LEF1: variants seen among roughly 807,000 people sequenced by gnomAD.
The protein encoded by LEF1 is lymphoid enhancer-binding factor 1.
LEF1 carries 14 observed loss-of-function variants against 51.2 expected under a neutral mutation model. That is an observed-to-expected ratio of 0.27 (90% CI 0.18 to 0.43). The LOEUF is 0.43. Ranked by LOEUF, LEF1 falls within the 20% of genes least tolerant of loss-of-function variation. The pLI is 1.00. For missense variants in LEF1, 386 were observed against 512.0 expected, an observed-to-expected ratio of 0.75 and a Z score of 2.37; for synonymous variants, 185 against 183.2, an observed-to-expected ratio of 1.01 and a Z score of -0.08.
intron 11 of LEF1, among the ~76,000 whole-genome samples, chr4:108,053,266 A>C (rs1737120371): frequency 6.6e-6 from 1 of 152,216 alleles, no homozygotes; most frequent in Non-Finnish European, 1.5e-5. Context: ...ATAACCTACA[A>C]AAGCCAGCTT....
intron 3 of LEF1, among the ~76,000 whole-genome samples, chr4:108,150,036 T>A (rs1459962610): frequency 6.6e-6 from 1 of 152,116 alleles, no homozygotes; most frequent in African/African-American, 2.4e-5. Flanking sequence ...AAAAGTTTCT[T>A]CACTTTTTAA....
chr4:108,053,434 T>A (rs1277927068), intron 11 of LEF1, among the ~76,000 whole-genome samples: 14 of 152,164 alleles, frequency 9.2e-5, no homozygotes, highest in Non-Finnish European at 2.9e-5. Flanking sequence ...CACAAAGCTC[T>A]AAAGCAAAAA....
chr4:108,167,828 A>G lies in LEF1; in HGVS notation c.-61T>C. 6.9e-7 allele frequency: 1 copy of G among 1,458,888 alleles called. No homozygotes were observed. Among genetic ancestry groups the G allele is most frequent in the Non-Finnish European group, 9.5e-7 (1 of 1,056,610 alleles). The allele number at this position is 1,458,888 out of a possible 1,614,324, so 90.4% of individuals were successfully genotyped here. A position where few individuals can be genotyped will look rare whatever the true frequency, so the allele number is the denominator to read the frequency against. On this transcript the variant is annotated 5_prime_UTR_variant, in exon 1 of 12. Transcript: ENST00000265165. This position sits in a 1 kb window ranked among gnomAD's most constrained non-coding sequence, Gnocchi z 5.7. ...GCACCCGCGCAACAGCAGGAAAGACAGAGGGGTAACTCAAGGGTGGGGGAG... is the reference window on the plus strand; with the variant it reads ...GCACCCGCGCAACAGCAGGAAAGACGGAGGGGTAACTCAAGGGTGGGGGAG...
intron 4 of LEF1, among the ~76,000 whole-genome samples, chr4:108,086,885 C>G (rs967322681): frequency 2.7e-5 from 4 of 146,538 alleles, no homozygotes; most frequent in Admixed American, 2.7e-4. Flanking sequence ...GGAAATTAAC[C>G]TGGAGTTGTT....
intron 11 of LEF1, 122 bp downstream of exon 11, chr4:108,063,501 G>T: frequency 1.3e-6 from 1 of 749,156 alleles, no homozygotes; most frequent in Non-Finnish European, 2.3e-6. Context: ...ATTTGATTTT[G>T]CTGAGTTCTC....
intron 3 of LEF1, among the ~76,000 whole-genome samples, chr4:108,125,142 GT>G (rs1742443171): frequency 1.3e-5 from 2 of 151,996 alleles, no homozygotes; most frequent in South Asian, 4.2e-4. Context: ...TGTCATCTGT[GT>G]ACCTTTATTT....
intron 3 of LEF1, among the ~76,000 whole-genome samples, chr4:108,112,439 C>A (rs1015918902): frequency 6.6e-6 from 1 of 152,222 alleles, no homozygotes; most frequent in African/African-American, 2.4e-5. Flanking sequence ...CAGTCCCACC[C>A]ACCCATGGGC....
At chr4:108,126,893 G>A (rs1047777364) in intron 3 of LEF1, among the ~76,000 whole-genome samples, 15 of 146,150 alleles carry the variant, frequency 1.0e-4, no homozygotes, top group Admixed American at 6.9e-5. Flanking sequence ...GTGTGTGTGT[G>A]TAGCTCTATT....
rs779122495 is a variant in LEF1 at position 108,058,958 on chromosome 4, A to G, written c.*6+4665T>C. Among the ~76,000 whole-genome samples, 14 of 152,126 alleles carry G rather than the reference A, an allele frequency of 9.2e-5. 1 individual carries two copies. The highest frequency in any genetic ancestry group is 3.9e-4 in the East Asian group (2 of 5,192). On this transcript the variant is annotated intron_variant, in intron 11 of 11. Coordinates refer to ENST00000265165, the MANE Select transcript of LEF1 (RefSeq NM_016269.5). ...GCCCTGGGCTCCCAGCATTCCCACA[A>G]ATGACTAGTCCGAAAAGCTAAACAG...
intron 5 of LEF1, among the ~76,000 whole-genome samples, chr4:108,082,415 A>G (rs1739367176): frequency 6.6e-6 from 1 of 152,184 alleles, no homozygotes; most frequent in African/African-American, 2.4e-5. Context: ...ATGTAATGCT[A>G]GGGAGAGAGA....
chr4:108,064,668 C>A (rs1000496028), intron 9 of LEF1, among the ~76,000 whole-genome samples: 1 of 60,630 alleles, frequency 1.6e-5, no homozygotes, highest in Non-Finnish European at 5.1e-5. Context: ...CACACACACA[C>A]ACACACACAC....
At chr4:108,128,875 G>A (rs534418380) in intron 3 of LEF1, among the ~76,000 whole-genome samples, 8 of 152,146 alleles carry the variant, frequency 5.3e-5, no homozygotes, top group Non-Finnish European at 2.9e-5. Context: ...AAAAGACAAA[G>A]AAGAAGAGAA....
At chr4:108,158,839 A>G (rs1231198779) in intron 3 of LEF1, among the ~76,000 whole-genome samples, 3 of 152,154 alleles carry the variant, frequency 2.0e-5, no homozygotes, top group African/African-American at 7.2e-5. Context: ...GTTAAATCAC[A>G]TAAGGGTCTC....
At chr4:108,133,937 T>A (rs1237141663) in intron 3 of LEF1, among the ~76,000 whole-genome samples, 1 of 152,196 alleles carries the variant, frequency 6.6e-6, no homozygotes, top group Non-Finnish European at 1.5e-5. Context: ...TAATCTCTTA[T>A]CTGAAATCCT....
At chr4:108,157,173 T>TACAC (rs1371267234) in intron 3 of LEF1, among the ~76,000 whole-genome samples, 91 of 67,080 alleles carry the variant, frequency 1.4e-3, no homozygotes, top group Admixed American at 1.9e-3. Flanking sequence ...TCTCTCTATA[T>TACAC]ATATATACAC....
chr4:108,110,131 G>A (rs984115586), intron 3 of LEF1, among the ~76,000 whole-genome samples: 2 of 152,150 alleles, frequency 1.3e-5, no homozygotes, highest in Non-Finnish European at 2.9e-5. Flanking sequence ...AATGGCAGGT[G>A]GCATTGTTGG....
chr4:108,082,757 G>A (rs905573781), intron 5 of LEF1, among the ~76,000 whole-genome samples: 2 of 152,024 alleles, frequency 1.3e-5, no homozygotes, highest in African/African-American at 4.8e-5. Context: ...AAAGATTTTG[G>A]AGGCAGCAGT....
chr4:108,062,795 CA>C (rs1205417540), intron 11 of LEF1, among the ~76,000 whole-genome samples: 1 of 152,130 alleles, frequency 6.6e-6, no homozygotes, highest in Non-Finnish European at 1.5e-5. Context: ...AGACAGACCC[CA>C]AAGACAGGGA....
At chr4:108,113,873 G>C (rs1741677362) in intron 3 of LEF1, among the ~76,000 whole-genome samples, 1 of 152,168 alleles carries the variant, frequency 6.6e-6, no homozygotes, top group Non-Finnish European at 1.5e-5. Context: ...GGATCCAATT[G>C]AAAGTTGCTT....
Sources: allele counts gnomAD v4.1 joint callset (sites outside exome capture counted in the v4.1 genomes callset), GRCh38; gene constraint gnomAD v4.1.1; non-coding constraint Gnocchi (gnomAD v3.1); transcripts MANE v1.5; gene names NCBI Gene and HGNC (gene_info 2026-07-23, HGNC 2026-07-21).